MLLT6: variants seen among roughly 807,000 people sequenced by gnomAD.
MLLT6 encodes MLLT6, PHD finger containing, also known as protein AF-17.
Under a neutral mutation model 103.0 loss-of-function variants are expected in MLLT6, and 22 were observed. The observed-to-expected ratio is 0.21, with a 90% CI of 0.15 to 0.31. MLLT6 has a LOEUF of 0.31. Among genes scored for constraint, MLLT6 ranks in the 10% least tolerant of loss-of-function variants. The probability of loss-of-function intolerance (pLI) is 1.00; values close to 1 mark genes in which losing one functional copy is unlikely to be tolerated. For missense variants in MLLT6, 1,199 were observed against 1,441.7 expected (o/e 0.83, Z 2.73); for synonymous variants, 606 against 623.5 (o/e 0.97, Z 0.42).
At position 38,712,026 on chromosome 17, in the gene MLLT6, C is replaced by T; in HGVS notation, c.720+12C>T. 2.6e-6 allele frequency: 4 copies of T among 1,536,160 alleles called. No individual in the cohort carries two copies. The highest frequency in any genetic ancestry group is 3.5e-6 in the Non-Finnish European group (4 of 1,139,826). ...GGGGCCAGAAGAAGGTAGAAGTCCT[C>T]CCCCACCTGCCATCACTCCCACACG... On this transcript the variant is annotated intron_variant, in intron 7 of 19. Transcript: ENST00000621332.
rs1007970675 is a variant in MLLT6, at chr17:38,727,722, G to A, written c.*2124G>A. 3 of 205,120 alleles carry A rather than the reference G, an allele frequency of 1.5e-5. No individual in the cohort carries two copies. Among genetic ancestry groups the A allele is most frequent in the African/African-American group, 6.8e-5 (3 of 43,808 alleles). The allele number at this position is 205,120 out of a possible 1,614,324, so 12.7% of individuals were successfully genotyped here. Reference sequence around the variant, plus strand: ...AGGCACGAGAATTGCTTGAACCCAGGAGGCTGAGGCTGCAGTGAGCCAAGA... The same window carrying A: ...AGGCACGAGAATTGCTTGAACCCAGAAGGCTGAGGCTGCAGTGAGCCAAGA... On this transcript the variant is annotated 3_prime_UTR_variant, in exon 20 of 20. Coordinates refer to ENST00000621332, the MANE Select transcript of MLLT6 (RefSeq NM_005937.4).
At chr17:38,725,451 C>G in intron 19 of MLLT6, 106 bp from the exon 20 acceptor site, 1 of 1,044,424 alleles carries the variant, frequency 9.6e-7, no homozygotes, top group Non-Finnish European at 1.4e-6. Context: ...CCATTGGCCC[C>G]GTTTCAGTAC....
intron 8 of MLLT6, chr17:38,714,772 T>C (rs1409897389): frequency 1.3e-5 from 2 of 152,268 alleles, no homozygotes; most frequent in African/African-American, 4.8e-5. Flanking sequence ...AACAAAAACA[T>C]GGCGGTGAAG....
At chr17:38,708,237 C>T (rs147878618) in intron 4 of MLLT6, 189 of 239,738 alleles carry the variant, frequency 7.9e-4, no homozygotes, top group African/African-American at 3.9e-3. Context: ...CTCAATGGAA[C>T]GCAAGTTCTT....
chr17:38,719,721 G>T (rs757539600), intron 13 of MLLT6, 29 bp from the exon 14 acceptor site: 2 of 1,597,826 alleles, frequency 1.3e-6, no homozygotes, highest in Non-Finnish European at 1.7e-6. Flanking sequence ...TGGTCGGGTC[G>T]ACTGAACCCA....
chr17:38,722,663 C>A lies in MLLT6; in HGVS notation c.2793-15C>A. 3.8e-6 allele frequency: 2 copies of A among 526,830 alleles called. No individual in the cohort carries two copies. The highest frequency in any genetic ancestry group is 2.8e-5 in the Admixed American group (1 of 35,888). 32.6% of individuals were successfully genotyped at this position (526,830 alleles called of 1,614,324 possible). Reference sequence around the variant, plus strand: ...CTGTGTGTTGTCCCCCCCCCACCCCCCACCCCCACCTCAGCCTTACAGAGC... The same window carrying A: ...CTGTGTGTTGTCCCCCCCCCACCCCACACCCCCACCTCAGCCTTACAGAGC... On this transcript the variant is annotated splice_polypyrimidine_tract_variant and intron_variant, in intron 17 of 19. Coordinates refer to ENST00000621332, the MANE Select transcript of MLLT6 (RefSeq NM_005937.4).
intron 16 of MLLT6, 101 bp downstream of exon 16, chr17:38,720,848 C>A: frequency 9.9e-7 from 1 of 1,005,588 alleles, no homozygotes; most frequent in African/African-American, 1.6e-5. Flanking sequence ...AATGAAGTGA[C>A]TGACTGAGCA....
rs777698354 is a variant in MLLT6 at position 38,725,573 on chromosome 17, C to T, written c.3257C>T (p.Ala1086Val). The T allele has an allele frequency of 1.9e-6, 3 of 1,602,126 alleles. No individual in the cohort carries two copies. The highest frequency in any genetic ancestry group is 2.6e-6 in the Non-Finnish European group (3 of 1,175,326). ...TCTTTCCAGACCGCTGACAAAGGAGCCTCAGCCAACCAGGAAAAAGGCTAA... is the reference window on the plus strand; with the variant it reads ...TCTTTCCAGACCGCTGACAAAGGAGTCTCAGCCAACCAGGAAAAAGGCTAA... Reference protein sequence around the residue: ...GPKGGTADKGASANQEKG With the variant: ...GPKGGTADKGVSANQEKG The change falls in exon 20 of 20, where the codon GCC becomes GTC. Residue 1086 changes from alanine (A) to valine (V), a missense_variant. Coordinates refer to ENST00000621332, the MANE Select transcript of MLLT6 (RefSeq NM_005937.4).
chr17:38,717,921 C>T lies in MLLT6; in HGVS notation c.1910C>T (p.Pro637Leu). 1 of 1,613,450 alleles carries T rather than the reference C, an allele frequency of 6.2e-7. No homozygotes were observed. The highest frequency in any genetic ancestry group is 8.5e-7 in the Non-Finnish European group (1 of 1,179,388). The part of the protein sequence containing the change: ...IFGTPMGAVN[P>L]LLSQAESSHT... Reference sequence around the variant, plus strand: ...GGAACCCCCATGGGTGCCGTTAATCCCCTCCTCTCCCAAGCTGAGAGCAGC... The same window carrying T: ...GGAACCCCCATGGGTGCCGTTAATCTCCTCCTCTCCCAAGCTGAGAGCAGC... Residue 637 changes from proline (P) to leucine (L), a missense_variant, in exon 12 of 20, where the codon CCC becomes CTC. Around this residue, in one of 7 missense-constraint regions of MLLT6, gnomAD observed 1,034 missense variants for 1,091.5 expected, o/e 0.95. Coordinates refer to ENST00000621332, the MANE Select transcript of MLLT6 (RefSeq NM_005937.4).
chr17:38,719,443 T>A, intron 12 of MLLT6, 74 bp from the exon 13 acceptor site: 5 of 1,277,886 alleles, frequency 3.9e-6, no homozygotes, highest in Non-Finnish European at 5.6e-6. Flanking sequence ...CCCAATCCCA[T>A]ATCCATCTGG....
intron 11 of MLLT6, 61 bp downstream of exon 11, chr17:38,717,674 A>G (rs1773922665): frequency 4.5e-6 from 7 of 1,553,108 alleles, no homozygotes; most frequent in Non-Finnish European, 6.2e-6. Flanking sequence ...CTGACAGAGG[A>G]CCCCAGCCTT....
intron 14 of MLLT6, 41 bp from the exon 15 acceptor site, chr17:38,720,304 CGCCCCCGGTCCCCTGGCCCCGCCTCCG>C: frequency 1.5e-6 from 1 of 685,616 alleles, no homozygotes. Flanking sequence ...CTCCAGGCCC[CGCCCCCGGTCCCCTGGCCCCGCCTCCG>C]CCCCCTCGCC....
rs1304602797 is a variant in MLLT6 at position 38,726,370 on chromosome 17, CATGTGT to C, written c.*773_*778del. ...CAGTGTGTGAGTGTGTGTGTGCGTG[CATGTGT>C]GTGTGTGTGTGTGTGTGTGTGTGTG... On this transcript the variant is annotated 3_prime_UTR_variant, in exon 20 of 20. Transcript: ENST00000621332. 760 of 220,218 alleles carry C rather than the reference CATGTGT, an allele frequency of 3.5e-3. 2 individuals carry two copies. Among genetic ancestry groups the C allele is most frequent in the Middle Eastern group, 5.2e-3 (4 of 768 alleles). 13.6% of individuals were successfully genotyped at this position (220,218 alleles called of 1,614,324 possible).
At chr17:38,718,996 G>C (rs1416474272) in intron 12 of MLLT6, 1 of 175,256 alleles carries the variant, frequency 5.7e-6, no homozygotes, top group Non-Finnish European at 1.2e-5. Flanking sequence ...TTTGCCTCCT[G>C]ATAAGGGATC....
At position 38,728,505 on chromosome 17, in the gene MLLT6, G is replaced by A. The variant is rs1906155054; in HGVS notation, c.*2907G>A. ...GTGAGTGGGTGAGCATGTGGAGTTG[G>A]GTGTTCCCACCCTCAGTGAGGAGGT... is the stretch of plus-strand genomic sequence containing the variant. On this transcript the variant is annotated 3_prime_UTR_variant, in exon 20 of 20. Coordinates refer to ENST00000621332, the MANE Select transcript of MLLT6 (RefSeq NM_005937.4). 2 of 233,360 alleles carry A rather than the reference G, an allele frequency of 8.6e-6. No homozygotes were observed. The highest frequency in any genetic ancestry group is 4.4e-5 in the African/African-American group (2 of 45,306). The allele number at this position is 233,360 out of a possible 1,614,324, so 14.5% of individuals were successfully genotyped here.
chr17:38,705,594 C>T lies in MLLT6; in HGVS notation c.-39C>T. ...CCCCTGACCCCCGACCCCCGCCGGC[C>T]GGCCCCCCGCCCCAGCCCCGGAGGG... On this transcript the variant is annotated 5_prime_UTR_variant, in exon 1 of 20. Coordinates refer to ENST00000621332, the MANE Select transcript of MLLT6 (RefSeq NM_005937.4). The T allele has an allele frequency of 2.6e-6, 3 of 1,157,790 alleles. No homozygotes were observed. Among genetic ancestry groups the T allele is most frequent in the Non-Finnish European group, 2.4e-6 (2 of 832,352 alleles). 71.7% of individuals were successfully genotyped at this position (1,157,790 alleles called of 1,614,324 possible).
At chr17:38,717,685 C>T in intron 11 of MLLT6, 72 bp downstream of exon 11, 1 of 1,540,372 alleles carries the variant, frequency 6.5e-7, no homozygotes, top group Non-Finnish European at 8.9e-7. Flanking sequence ...CCCCAGCCTT[C>T]CATGGGAATT....
intron 18 of MLLT6, among the ~76,000 whole-genome samples, chr17:38,723,077 A>G (rs952037625): frequency 6.6e-6 from 1 of 152,202 alleles, no homozygotes; most frequent in African/African-American, 2.4e-5. Context: ...CCCCAAAGGC[A>G]TTCAGGGGAA....
chr17:38,719,644 G>T, intron 13 of MLLT6, 61 bp downstream of exon 13: 1 of 1,569,608 alleles, frequency 6.4e-7, no homozygotes. Flanking sequence ...GAGGGAGGAG[G>T]GACGGAGAGA....
Sources: allele counts gnomAD v4.1 joint callset (sites outside exome capture counted in the v4.1 genomes callset), GRCh38; gene constraint gnomAD v4.1.1; regional missense constraint gnomAD v4.1.1; transcripts MANE v1.5; gene names NCBI Gene and HGNC (gene_info 2026-07-23, HGNC 2026-07-21).